The following KPNA7 variants were observed in gnomAD, a reference collection of about 807,000 sequenced individuals.
The protein encoded by KPNA7 is karyopherin subunit alpha 7, also known as importin subunit alpha-8.
KPNA7 carries 54 observed loss-of-function variants against 53.7 expected under a neutral mutation model. The ratio of observed to expected loss-of-function variants is 1.01; its 90% confidence interval spans 0.81 to 1.26. The LOEUF (loss-of-function observed/expected upper bound fraction) is 1.26. Ranked by LOEUF, KPNA7 falls within the 50% of genes most tolerant of loss-of-function variation. The pLI, the probability that KPNA7 is intolerant of heterozygous loss-of-function variation, is 0.00. For synonymous variants in KPNA7, 276 were observed against 259.3 expected, an observed-to-expected ratio of 1.06 and a Z score of -0.62; for missense variants, 640 against 644.5, an observed-to-expected ratio of 0.99 and a Z score of 0.07.
At chr7:99,200,841 G>A (rs536431807) in intron 3 of KPNA7, among the ~76,000 whole-genome samples, 2 of 152,240 alleles carry the variant, frequency 1.3e-5, no homozygotes, top group South Asian at 2.1e-4. Flanking sequence ...GGTGATGCAT[G>A]CCTGTAATCC....
chr7:99,191,732 C>A (rs1362426796), intron 6 of KPNA7, among the ~76,000 whole-genome samples: 1 of 152,100 alleles, frequency 6.6e-6, no homozygotes, highest in African/African-American at 2.4e-5. Flanking sequence ...TCACTGCAAC[C>A]TTCGCCTCCC....
chr7:99,218,890 G>A (rs149398269), intron 1 of KPNA7, among the ~76,000 whole-genome samples: 24 of 152,370 alleles, frequency 1.6e-4, no homozygotes, highest in Middle Eastern at 3.4e-3. Flanking sequence ...ACTCAGCCAC[G>A]TCTGGAGCCG....
downstream of KPNA7, among the ~76,000 whole-genome samples, chr7:99,172,837 T>C: frequency 6.6e-6 from 1 of 152,014 alleles, no homozygotes; most frequent in African/African-American, 2.4e-5. Flanking sequence ...CTGAGACATG[T>C]GGATCACCTG....
Position 99,179,436 on chromosome 7 carries a change from A to T in KPNA7, c.1318-1370T>A, listed in dbSNP as rs981344912. ...CTGGGTGTGGTAGCACAAGCCTGTAATCCCATCTACTTGGAAGGCTGAGGT... is the reference window on the plus strand; with the variant it reads ...CTGGGTGTGGTAGCACAAGCCTGTATTCCCATCTACTTGGAAGGCTGAGGT... On this transcript the variant is annotated intron_variant, in intron 9 of 10. Transcript: ENST00000327442. Among the ~76,000 whole-genome samples, 7 of 152,064 alleles carry T rather than the reference A, an allele frequency of 4.6e-5. No individual in the cohort carries two copies. The South Asian group carries it at 8.3e-4, about 18-fold the overall frequency.
chr7:99,180,585 C>CTG lies in KPNA7; in HGVS notation c.1317+1297_1317+1298insCA, dbSNP rs1563067545. On this transcript the variant is annotated intron_variant, in intron 9 of 10. Coordinates refer to ENST00000327442, the MANE Select transcript of KPNA7 (RefSeq NM_001145715.3). Reference sequence around the variant, plus strand: ...TCTCTGTCCATCTGTCTCTGTCCATCTCTCCGTCTCTCCGTCTCTGTCTCT... The same window carrying CTG: ...TCTCTGTCCATCTGTCTCTGTCCATCTGTCTCCGTCTCTCCGTCTCTGTCTCT... Among the ~76,000 whole-genome samples, 27 of 123,118 alleles carry CTG rather than the reference C, an allele frequency of 2.2e-4. 3 individuals carry two copies. The highest frequency in any genetic ancestry group is 4.8e-4 in the African/African-American group (14 of 29,078). The allele number at this position is 123,118 out of a possible 152,430, so 80.8% of individuals were successfully genotyped here.
chr7:99,195,364 G>T, intron 4 of KPNA7, 26 bp from the exon 5 acceptor site: 1 of 1,546,408 alleles, frequency 6.5e-7, no homozygotes, highest in South Asian at 1.2e-5. Context: ...GAGGGCAGGG[G>T]AGGGGGAGGT....
At chr7:99,192,698 C>T (rs1790017023) in intron 6 of KPNA7, among the ~76,000 whole-genome samples, 1 of 152,194 alleles carries the variant, frequency 6.6e-6, no homozygotes, top group South Asian at 2.1e-4. Context: ...CATGAGCCAC[C>T]ATGCCCAGTC....
At chr7:99,178,578 TAATA>T (rs1187421990) in intron 9 of KPNA7, among the ~76,000 whole-genome samples, 1 of 151,102 alleles carries the variant, frequency 6.6e-6, no homozygotes, top group Admixed American at 6.6e-5. Context: ...AAAAAAAAAT[TAATA>T]AAGAAGATAC....
chr7:99,167,402 T>C, the KPNA7 span, among the ~76,000 whole-genome samples: 2 of 152,124 alleles, frequency 1.3e-5, no homozygotes, highest in East Asian at 1.9e-4. Context: ...GTGGCAGCAT[T>C]AGATTCCCAT....
upstream of KPNA7, among the ~76,000 whole-genome samples, chr7:99,209,043 T>C (rs889665944): frequency 1.3e-5 from 2 of 151,946 alleles, no homozygotes; most frequent in African/African-American, 4.8e-5. Context: ...TTCCAGCTAT[T>C]TGGGAGGCTG....
At chr7:99,194,866 A>G (rs190875926) in intron 5 of KPNA7, among the ~76,000 whole-genome samples, 5 of 152,202 alleles carry the variant, frequency 3.3e-5, no homozygotes, top group Admixed American at 3.3e-4. Flanking sequence ...TGGCCTCCCA[A>G]CATGCTGGGA....
chr7:99,209,682 CAAAAAAAAAA>C (rs60377276), upstream of KPNA7, among the ~76,000 whole-genome samples: 22 of 73,530 alleles, frequency 3.0e-4, no homozygotes, highest in East Asian at 1.7e-3. Context: ...GACTCCAACT[CAAAAAAAAAA>C]AAAAAAAAAA....
chr7:99,165,302 TAAA>T, the KPNA7 span, among the ~76,000 whole-genome samples: 188 of 145,268 alleles, frequency 1.3e-3, no homozygotes, highest in Admixed American at 4.3e-3. Flanking sequence ...CTTGCCTTTT[TAAA>T]AAAAAAAAAA....
chr7:99,158,741 T>A, the KPNA7 span, among the ~76,000 whole-genome samples: 1 of 151,926 alleles, frequency 6.6e-6, no homozygotes, highest in South Asian at 2.1e-4. Flanking sequence ...TGACTTCAAG[T>A]GATCCCCAAC....
chr7:99,164,632 TAAA>T, the KPNA7 span, among the ~76,000 whole-genome samples: 74,744 of 151,300 alleles, frequency 0.49, 21,306 homozygotes, highest in East Asian at 0.65. Flanking sequence ...TTAAAGAATT[TAAA>T]AAAAAAAAAA....
At position 99,213,456 on chromosome 7, in the gene KPNA7, AAG is replaced by A. The variant is rs982801174; in HGVS notation, c.-23-5969_-23-5968del. 2.2e-3 allele frequency among the ~76,000 whole-genome samples: 281 copies of A among 126,144 alleles called. 4 individuals carry two copies. The highest frequency in any genetic ancestry group is 8.6e-3 in the African/African-American group (268 of 31,106). 82.8% of individuals were successfully genotyped at this position (126,144 alleles called of 152,430 possible). ...AAAAAAAAAAAAAAAAAAAAAAAAA[AAG>A]AGAGAGAGACAGAGTCTCATTGTTG... On this transcript the variant is annotated intron_variant, in intron 1 of 10. Transcript: ENST00000681060.
chr7:99,169,905 G>T (rs1584251138), downstream of KPNA7, among the ~76,000 whole-genome samples: 2 of 152,116 alleles, frequency 1.3e-5, no homozygotes, highest in South Asian at 4.1e-4. Flanking sequence ...GCCGGGCATG[G>T]TGGCTTGTAC....
At chr7:99,159,249 G>A in the KPNA7 span, among the ~76,000 whole-genome samples, 2 of 150,146 alleles carry the variant, frequency 1.3e-5, no homozygotes, top group African/African-American at 2.5e-5. Flanking sequence ...TTGGGAGGCT[G>A]AGGTGGAAGG....
chr7:99,167,682 T>A, the KPNA7 span, among the ~76,000 whole-genome samples: 3 of 134,082 alleles, frequency 2.2e-5, no homozygotes, highest in Admixed American at 2.6e-4. Flanking sequence ...GGTTTCACCA[T>A]GTTGGCCAGG....
Sources: gnomAD v4.1 joint callset for allele counts (sites outside exome capture counted in the v4.1 genomes callset) on GRCh38, gnomAD v4.1.1 for gene constraint, MANE v1.5 for transcripts, NCBI Gene and HGNC (gene_info 2026-07-23, HGNC 2026-07-21) for gene names.